The following MBTD1 variants were observed in gnomAD, a reference collection of about 807,000 sequenced individuals.
MBTD1 encodes the protein MBT domain-containing protein 1.
MBTD1 carries 24 observed loss-of-function variants against 87.8 expected under a neutral mutation model. The observed-to-expected ratio is 0.27, with a 90% CI of 0.20 to 0.38. MBTD1 has a LOEUF of 0.38. Ranked by LOEUF, MBTD1 falls within the 10% of genes least tolerant of loss-of-function variation. MBTD1 has a pLI of 1.00. For missense variants in MBTD1, 436 were observed against 760.2 expected, an observed-to-expected ratio of 0.57 and a Z score of 5.02; for synonymous variants, 237 against 248.6, an observed-to-expected ratio of 0.95 and a Z score of 0.44.
intron 2 of MBTD1, among the ~76,000 whole-genome samples, chr17:51,252,951 T>G (rs551539436): frequency 1.3e-5 from 2 of 151,800 alleles, no homozygotes; most frequent in Non-Finnish European, 1.5e-5. Flanking sequence ...ATTAGAGAGA[T>G]AGATACTAGA....
At chr17:51,194,566 C>CAAAAAAAAAAAAAA (rs71355733) in intron 13 of MBTD1, among the ~76,000 whole-genome samples, 275 of 19,732 alleles carry the variant, frequency 0.014, 64 homozygotes, top group Middle Eastern at 0.077. Context: ...GAGACTGTCT[C>CAAAAAAAAAAAAAA]AAAAAAAAAA....
At chr17:51,185,512 T>TA (rs2050495691) in intron 16 of MBTD1, 2 of 152,348 alleles carry the variant, frequency 1.3e-5, no homozygotes, top group Non-Finnish European at 2.9e-5. Flanking sequence ...AATAATAAAA[T>TA]GCAGGTATTG....
At chr17:51,206,817 A>G in intron 7 of MBTD1, 71 bp downstream of exon 7, 1 of 1,094,636 alleles carries the variant, frequency 9.1e-7, no homozygotes, top group South Asian at 1.4e-5. Flanking sequence ...AAAATTTATA[A>G]ACATGCTTTT....
intron 1 of MBTD1, among the ~76,000 whole-genome samples, chr17:51,259,455 G>A (rs561179323): frequency 2.0e-5 from 3 of 152,030 alleles, no homozygotes; most frequent in East Asian, 1.9e-4. Context: ...CCCCCTCCCC[G>A]CCAAGAAGAG....
intron 6 of MBTD1, among the ~76,000 whole-genome samples, chr17:51,211,780 AG>A (rs1180407947): frequency 1.3e-5 from 2 of 151,718 alleles, no homozygotes; most frequent in Non-Finnish European, 2.9e-5. Flanking sequence ...GGTCACGACT[AG>A]GGAAAAAAAA....
chr17:51,179,533 T>TATAC lies in MBTD1; in HGVS notation c.*1042_*1043insGTAT, dbSNP rs2050232189. On this transcript the variant is annotated 3_prime_UTR_variant, in exon 17 of 17. Coordinates refer to ENST00000586178, the MANE Select transcript of MBTD1 (RefSeq NM_017643.3). ...ATATATATATATATATATATATATA[T>TATAC]ATATGGAATTTTAAGAAAATTAAAT... 2 of 108,004 alleles carry TATAC rather than the reference T, an allele frequency of 1.9e-5. No individual in the cohort carries two copies. Among genetic ancestry groups the TATAC allele is most frequent in the South Asian group, 6.2e-4 (2 of 3,242 alleles). 6.7% of individuals were successfully genotyped at this position (108,004 alleles called of 1,614,324 possible). A position where few individuals can be genotyped will look rare whatever the true frequency, so the allele number is the denominator to read the frequency against.
At chr17:51,243,950 T>A (rs542889099) in intron 2 of MBTD1, among the ~76,000 whole-genome samples, 4 of 152,338 alleles carry the variant, frequency 2.6e-5, no homozygotes, top group Non-Finnish European at 5.9e-5. Context: ...TAATATTACA[T>A]TTGTCCTCAG....
rs773429155 is a variant in MBTD1, at chr17:51,180,547, C to T, written c.*29G>A. 59 of 1,214,852 alleles carry T rather than the reference C, an allele frequency of 4.9e-5. No individual in the cohort carries two copies. In the Admixed American group the frequency reaches 1.2e-3, roughly 24 times the overall value. The allele number at this position is 1,214,852 out of a possible 1,614,324, so 75.3% of individuals were successfully genotyped here. ...TAAATCAGTCCTGTGTAAAATCCTTCCCCACCCGCCCTCAGTTTCTAAGCC... is the reference window on the plus strand; with the variant it reads ...TAAATCAGTCCTGTGTAAAATCCTTTCCCACCCGCCCTCAGTTTCTAAGCC... On this transcript the variant is annotated 3_prime_UTR_variant, in exon 17 of 17. Transcript: ENST00000586178.
At chr17:51,236,992 T>A (rs1170621899) in intron 2 of MBTD1, among the ~76,000 whole-genome samples, 3 of 151,798 alleles carry the variant, frequency 2.0e-5, no homozygotes, top group Admixed American at 2.0e-4. Context: ...AAAAAAAATA[T>A]AACCCATAAA....
At chr17:51,257,918 T>G (rs1336653156) in intron 2 of MBTD1, among the ~76,000 whole-genome samples, 1 of 151,892 alleles carries the variant, frequency 6.6e-6, no homozygotes, top group African/African-American at 2.4e-5. Flanking sequence ...TCAAGACAGA[T>G]GTTGCCATAA....
chr17:51,180,958 T>A (rs1217668334), intron 16 of MBTD1, among the ~76,000 whole-genome samples: 1 of 152,092 alleles, frequency 6.6e-6, no homozygotes, highest in Non-Finnish European at 1.5e-5. Context: ...GATTAAGTAT[T>A]CACTTTTATG....
chr17:51,260,776 G>C (rs372766030), upstream of MBTD1: 1 of 1,578,558 alleles, frequency 6.3e-7, no homozygotes, highest in Non-Finnish European at 8.6e-7. Flanking sequence ...TTGCAGTCGC[G>C]GCGGCGGAGG....
chr17:51,245,975 T>C (rs2054411886), intron 2 of MBTD1, among the ~76,000 whole-genome samples: 1 of 152,240 alleles, frequency 6.6e-6, no homozygotes, highest in Non-Finnish European at 1.5e-5. Flanking sequence ...GGACAGTGGA[T>C]GTCTTTCCAT....
At chr17:51,211,585 G>A (rs1170070317) in intron 6 of MBTD1, among the ~76,000 whole-genome samples, 1 of 151,502 alleles carries the variant, frequency 6.6e-6, no homozygotes, top group African/African-American at 2.4e-5. Flanking sequence ...TTTATTTCAT[G>A]GCAACACTCA....
intron 6 of MBTD1, among the ~76,000 whole-genome samples, chr17:51,207,969 G>T (rs1032031065): frequency 1.3e-5 from 2 of 152,186 alleles, no homozygotes; most frequent in Non-Finnish European, 2.9e-5. Context: ...GGTTATAAAA[G>T]ACTTGATAGT....
rs1311320744 is a variant in MBTD1, at chr17:51,177,817, A to T, written c.*2759T>A. The T allele has an allele frequency of 6.6e-6, 1 of 152,166 alleles. No homozygotes were observed. The highest frequency in any genetic ancestry group is 1.5e-5 in the Non-Finnish European group (1 of 68,034). The allele number at this position is 152,166 out of a possible 1,614,324, so 9.4% of individuals were successfully genotyped here. A position where few individuals can be genotyped will look rare whatever the true frequency, so the allele number is the denominator to read the frequency against. On this transcript the variant is annotated 3_prime_UTR_variant, in exon 17 of 17. Transcript: ENST00000586178. ...ACTGTGGCTTTATTTAAAATATGAAAATCAAAGGAAGAAACCCAGTTTAAT... is the reference window on the plus strand; with the variant it reads ...ACTGTGGCTTTATTTAAAATATGAATATCAAAGGAAGAAACCCAGTTTAAT...
chr17:51,222,749 T>C (rs1398174931), intron 3 of MBTD1, among the ~76,000 whole-genome samples: 1 of 152,132 alleles, frequency 6.6e-6, no homozygotes, highest in Non-Finnish European at 1.5e-5. Context: ...TGAATCCTGA[T>C]AAATGAAGTT....
intron 16 of MBTD1, among the ~76,000 whole-genome samples, chr17:51,189,306 T>C (rs971673531): frequency 6.6e-6 from 1 of 152,164 alleles, no homozygotes; most frequent in Non-Finnish European, 1.5e-5. Context: ...TGTGGGTCCA[T>C]AGTTCTTTTC....
intron 2 of MBTD1, among the ~76,000 whole-genome samples, chr17:51,228,053 G>C (rs1185790360): frequency 6.6e-6 from 1 of 151,724 alleles, no homozygotes; most frequent in Non-Finnish European, 1.5e-5. Flanking sequence ...TATTTATTCA[G>C]TTTTTAAAAA....
Sources: allele counts gnomAD v4.1 joint callset (sites outside exome capture counted in the v4.1 genomes callset), GRCh38; gene constraint gnomAD v4.1.1; transcripts MANE v1.5; gene names NCBI Gene and HGNC (gene_info 2026-07-23, HGNC 2026-07-21).